DNAH12: variants seen among roughly 807,000 people sequenced by gnomAD.
The protein encoded by DNAH12 is dynein axonemal heavy chain 12.
Under a neutral mutation model 371.5 loss-of-function variants are expected in DNAH12, and 285 were observed. The ratio of observed to expected loss-of-function variants is 0.77; its 90% confidence interval spans 0.70 to 0.85. DNAH12 has a LOEUF of 0.85. DNAH12 is among the 40% of genes least tolerant of loss of function. The pLI is 0.00. For missense variants in DNAH12, 3,611 were observed against 3,689.4 expected (o/e 0.98, Z 0.55); for synonymous variants, 1,200 against 1,213.0 (o/e 0.99, Z 0.22).
At chr3:57,481,243 T>C (rs1328256882) in intron 13 of DNAH12, among the ~76,000 whole-genome samples, 1 of 152,172 alleles carries the variant, frequency 6.6e-6, no homozygotes, top group Non-Finnish European at 1.5e-5. Flanking sequence ...AAAATCAATG[T>C]GCAAAAATCA....
chr3:57,521,962 A>T (rs986789773), intron 4 of DNAH12, among the ~76,000 whole-genome samples: 6 of 148,004 alleles, frequency 4.1e-5, no homozygotes, highest in Non-Finnish European at 7.5e-5. Context: ...GATGTCTCAC[A>T]CCTGTAATCC....
At chr3:57,485,699 G>A (rs2066902963) in intron 12 of DNAH12, among the ~76,000 whole-genome samples, 1 of 152,102 alleles carries the variant, frequency 6.6e-6, no homozygotes, top group African/African-American at 2.4e-5. Context: ...GCACCCGGCT[G>A]GAGGCCATTA....
rs1051921417 is a variant in DNAH12, at chr3:57,356,488, T to G, written c.9533+688A>C. ...ATAAATAAATAAATAAATAAATAAATAAAATAAAGAAAAAAGAAATGTGGG... is the reference window on the plus strand; with the variant it reads ...ATAAATAAATAAATAAATAAATAAAGAAAATAAAGAAAAAAGAAATGTGGG... On this transcript the variant is annotated intron_variant, in intron 59 of 73. Transcript: ENST00000495027. Among the ~76,000 whole-genome samples, 847 of 141,658 alleles carry G rather than the reference T, an allele frequency of 6.0e-3. 3 individuals are homozygous for G. Among genetic ancestry groups the G allele is most frequent in the Middle Eastern group, 0.011 (3 of 262 alleles). The allele number at this position is 141,658 out of a possible 152,430, so 92.9% of individuals were successfully genotyped here. A position where few individuals can be genotyped will look rare whatever the true frequency, so the allele number is the denominator to read the frequency against.
chr3:57,307,904 C>T (rs1439961538), intron 69 of DNAH12, among the ~76,000 whole-genome samples: 1 of 152,248 alleles, frequency 6.6e-6, no homozygotes, highest in Non-Finnish European at 1.5e-5. Context: ...CCAGCAAAGG[C>T]AGGCTATGCT....
chr3:57,430,083 T>C (rs2064910921), intron 32 of DNAH12, among the ~76,000 whole-genome samples: 1 of 152,098 alleles, frequency 6.6e-6, no homozygotes, highest in Non-Finnish European at 1.5e-5. Flanking sequence ...TATCGGCTAT[T>C]AAGAAAATTA....
chr3:57,523,031 T>C (rs2068507637), intron 4 of DNAH12, among the ~76,000 whole-genome samples: 1 of 152,088 alleles, frequency 6.6e-6, no homozygotes, highest in Non-Finnish European at 1.5e-5. Context: ...GGAATAAGAA[T>C]GAAAATATTT....
chr3:57,314,613 A>G lies in DNAH12; in HGVS notation c.10543T>C (p.Phe3515Leu). The change falls in exon 66 of 74, where the codon TTT becomes CTT. Residue 3515 changes from phenylalanine to leucine, a missense_variant. Coordinates refer to ENST00000495027, the MANE Select transcript of DNAH12 (RefSeq NM_001366028.2). ...GKELAWEKLLFGVCFFHALVQ... is the reference protein window; with the variant it reads ...GKELAWEKLLLGVCFFHALVQ... ...AGGGCATGAAAAAAACAAACTCCAA[A>G]CAGTAACTTCTCCCAGGCCTTTAAT... The G allele has an allele frequency of 6.5e-7, 1 of 1,547,590 alleles. No homozygotes were observed. The highest frequency in any genetic ancestry group is 1.4e-5 in the African/African-American group (1 of 72,820).
rs971081814 is a variant in DNAH12, at chr3:57,403,416, C to T, written c.6841G>A (p.Gly2281Ser). 3.9e-6 allele frequency: 6 copies of T among 1,551,192 alleles called. No homozygotes were observed. The African/African-American group carries it at 8.2e-5, about 21-fold the overall frequency. Reference sequence around the variant, plus strand: ...GCCAGACGAGTTAAAGATTGACGACCACTTCCTCCAAGACCAACAAGCAAA... The same window carrying T: ...GCCAGACGAGTTAAAGATTGACGACTACTTCCTCCAAGACCAACAAGCAAA... ...NALLVGLGGS[G>S]RQSLTRLATS... Residue 2281 changes from glycine (G) to serine (S), a missense_variant, in exon 43 of 74, where the codon GGT becomes AGT. Gly to Ser is a moderately conservative substitution (Grantham distance 56). Transcript: ENST00000495027.
chr3:57,473,214 C>T (rs1411866150), intron 13 of DNAH12, among the ~76,000 whole-genome samples: 1 of 152,036 alleles, frequency 6.6e-6, no homozygotes, highest in Non-Finnish European at 1.5e-5. Context: ...TGGCCAGGTA[C>T]GGTAGCTCAC....
At position 57,542,805 on chromosome 3, in the gene DNAH12, G is replaced by A. The variant is rs757202965; in HGVS notation, c.66C>T (p.Pro22=). The change falls in exon 2 of 74, where the codon CCC becomes CCT. Residue 22 remains proline, a synonymous_variant. Coordinates refer to ENST00000495027, the MANE Select transcript of DNAH12 (RefSeq NM_001366028.2). The part of the protein sequence containing the change: ...EKEALNLKLP[P]IVHLPENIGV... ...CTATGTTTTCTGGGAGATGGACAAT[G>A]GGGGGTAACTTCAAGTTCAGAGCTT... 4 of 1,608,762 alleles carry A rather than the reference G, an allele frequency of 2.5e-6. No individual in the cohort carries two copies. In the East Asian group the frequency reaches 8.9e-5, roughly 36 times the overall value.
intron 11 of DNAH12, chr3:57,497,927 A>G (rs1164421693): frequency 6.6e-6 from 1 of 152,226 alleles, no homozygotes; most frequent in Non-Finnish European, 1.5e-5. Flanking sequence ...TTAAAACTCC[A>G]TAACATTGAT....
chr3:57,333,269 A>G (rs550414041), intron 62 of DNAH12, among the ~76,000 whole-genome samples: 11 of 150,540 alleles, frequency 7.3e-5, no homozygotes, highest in South Asian at 6.3e-4. Context: ...TCAGCCTCCC[A>G]AAGTACTGGG....
At position 57,459,511 on chromosome 3, in the gene DNAH12, A is replaced by G. The variant is rs529668313; in HGVS notation, c.2931+81T>C. ...ACAATGAGCAAGTTTAATTTTTATA[A>G]TCAGAAAAAAAGTCACATGTTTTAC... On this transcript the variant is annotated intron_variant, in intron 20 of 73. Transcript: ENST00000495027. The G allele has an allele frequency of 7.8e-5, 98 of 1,264,502 alleles. No individual in the cohort carries two copies. In the African/African-American group the frequency reaches 1.4e-3, roughly 18 times the overall value. The allele number at this position is 1,264,502 out of a possible 1,614,324, so 78.3% of individuals were successfully genotyped here. A position where few individuals can be genotyped will look rare whatever the true frequency, so the allele number is the denominator to read the frequency against.
At chr3:57,490,941 T>C (rs965518207) in intron 11 of DNAH12, among the ~76,000 whole-genome samples, 4 of 151,738 alleles carry the variant, frequency 2.6e-5, no homozygotes, top group Non-Finnish European at 4.4e-5. Flanking sequence ...CTACAAAAAT[T>C]AGCTGAGTGT....
intron 30 of DNAH12, among the ~76,000 whole-genome samples, chr3:57,434,562 C>A (rs529560137): frequency 6.6e-6 from 1 of 151,802 alleles, no homozygotes; most frequent in Non-Finnish European, 1.5e-5. Flanking sequence ...GAAGTTGGTA[C>A]CTAGAAGAGG....
chr3:57,432,684 G>A (rs1159022164), intron 32 of DNAH12, among the ~76,000 whole-genome samples: 3 of 152,212 alleles, frequency 2.0e-5, no homozygotes, highest in East Asian at 1.9e-4. Context: ...TGATTCCAAT[G>A]TATTAAGTTC....
At chr3:57,468,215 A>C (rs2066260169) in intron 17 of DNAH12, among the ~76,000 whole-genome samples, 1 of 152,142 alleles carries the variant, frequency 6.6e-6, no homozygotes, top group Non-Finnish European at 1.5e-5. Flanking sequence ...ACAGAGACCC[A>C]ATTCATTAGC....
Position 57,491,099 on chromosome 3 carries a change from A to ACAAAC in DNAH12, c.1336-1413_1336-1412insGTTTG, listed in dbSNP as rs796514293. On this transcript the variant is annotated intron_variant, in intron 11 of 73. Transcript: ENST00000495027. Reference sequence around the variant, plus strand: ...TCTATCTCAAAAAAAAAAAAAAAAAAAACAACAAATAAAGGGTAGACAGAA... The same window carrying ACAAAC: ...TCTATCTCAAAAAAAAAAAAAAAAAACAAACAACAACAAATAAAGGGTAGACAGAA... Among the ~76,000 whole-genome samples, 8 of 112,820 alleles carry ACAAAC rather than the reference A, an allele frequency of 7.1e-5. 1 individual carries two copies. The South Asian group carries it at 2.2e-3, about 31-fold the overall frequency. 74.0% of individuals were successfully genotyped at this position (112,820 alleles called of 152,430 possible).
chr3:57,519,134 A>G (rs1419510647), intron 4 of DNAH12, among the ~76,000 whole-genome samples: 4 of 152,216 alleles, frequency 2.6e-5, no homozygotes, highest in Non-Finnish European at 5.9e-5. Flanking sequence ...TTTAATTTGT[A>G]TTACCATAAC....
Sources: allele counts gnomAD v4.1 joint callset (sites outside exome capture counted in the v4.1 genomes callset), GRCh38; gene constraint gnomAD v4.1.1; transcripts MANE v1.5; gene names NCBI Gene and HGNC (gene_info 2026-07-23, HGNC 2026-07-21).